GALNTL5: variants seen among roughly 807,000 people sequenced by gnomAD.
The protein encoded by GALNTL5 is inactive polypeptide N-acetylgalactosaminyltransferase-like protein 5.
GALNTL5 carries 44 observed loss-of-function variants against 51.0 expected under a neutral mutation model. That is an observed-to-expected ratio of 0.86 (90% confidence interval 0.68 to 1.11). GALNTL5 has a LOEUF of 1.11. GALNTL5 is among the 50% of genes least tolerant of loss of function. The pLI, the probability that GALNTL5 is intolerant of heterozygous loss-of-function variation, is 0.00. For missense variants in GALNTL5, 528 were observed against 531.8 expected, an observed-to-expected ratio of 0.99 and a Z score of 0.07; for synonymous variants, 192 against 182.8, an observed-to-expected ratio of 1.05 and a Z score of -0.41.
intron 3 of GALNTL5, among the ~76,000 whole-genome samples, chr7:151,981,674 T>C (rs1327636150): frequency 1.1e-5 from 1 of 94,358 alleles, no homozygotes; most frequent in Non-Finnish European, 2.1e-5. Flanking sequence ...CCCCCTCTTC[T>C]TTCTTTCTTT....
chr7:151,997,967 CAAG>C (rs2151954351), intron 5 of GALNTL5, among the ~76,000 whole-genome samples: 1 of 152,118 alleles, frequency 6.6e-6, no homozygotes, highest in Admixed American at 6.5e-5. Context: ...TTTAGGAGGC[CAAG>C]GCAAGAGGAT....
At chr7:151,986,798 G>T (rs1003803806) in intron 4 of GALNTL5, among the ~76,000 whole-genome samples, 1 of 150,096 alleles carries the variant, frequency 6.7e-6, no homozygotes, top group Non-Finnish European at 1.5e-5. Context: ...GGCCATCTCG[G>T]CTCACTGCAA....
intron 4 of GALNTL5, among the ~76,000 whole-genome samples, chr7:151,986,188 G>A (rs143389092): frequency 5.3e-5 from 8 of 152,186 alleles, no homozygotes; most frequent in East Asian, 3.9e-4. Flanking sequence ...TAAGACTCTC[G>A]TGGTTCGATA....
At chr7:151,985,166 C>T (rs2081345054) in intron 4 of GALNTL5, among the ~76,000 whole-genome samples, 1 of 152,164 alleles carries the variant, frequency 6.6e-6, no homozygotes, top group Non-Finnish European at 1.5e-5. Flanking sequence ...CTCTGCAAGG[C>T]CCCACCTGCA....
At chr7:152,012,582 T>C (rs940745555) in intron 7 of GALNTL5, among the ~76,000 whole-genome samples, 1 of 152,198 alleles carries the variant, frequency 6.6e-6, no homozygotes, top group African/African-American at 2.4e-5. Flanking sequence ...GAATATACAT[T>C]GTTCTACCAT....
intron 5 of GALNTL5, among the ~76,000 whole-genome samples, chr7:152,000,874 CTT>C (rs1400979234): frequency 6.7e-6 from 1 of 148,878 alleles, no homozygotes; most frequent in Non-Finnish European, 1.5e-5. Flanking sequence ...TTTTCTCTTT[CTT>C]TGTTTCTTTT....
intron 7 of GALNTL5, among the ~76,000 whole-genome samples, chr7:152,008,724 TTTG>T (rs1192069039): frequency 1.4e-5 from 2 of 138,018 alleles, no homozygotes; most frequent in Non-Finnish European, 3.2e-5. Context: ...GCTTGTTGTT[TTTG>T]TTGTTTGTTT....
At chr7:152,015,139 A>G (rs940039595) in intron 8 of GALNTL5, among the ~76,000 whole-genome samples, 41 of 152,066 alleles carry the variant, frequency 2.7e-4, no homozygotes, top group African/African-American at 9.7e-5. Context: ...TCATCAATCC[A>G]TCCCCAACCC....
intron 8 of GALNTL5, among the ~76,000 whole-genome samples, chr7:152,016,998 A>T (rs1480625317): frequency 1.3e-5 from 2 of 150,690 alleles, no homozygotes; most frequent in African/African-American, 4.9e-5. Context: ...AGATCACACC[A>T]CCGCACTCCA....
At chr7:151,976,337 T>A (rs1372172328) in intron 3 of GALNTL5, among the ~76,000 whole-genome samples, 1 of 152,186 alleles carries the variant, frequency 6.6e-6, no homozygotes, top group Non-Finnish European at 1.5e-5. Context: ...TATTGTTATA[T>A]CTTCTTGATG....
intron 8 of GALNTL5, among the ~76,000 whole-genome samples, chr7:152,016,685 C>T (rs2081818951): frequency 6.6e-6 from 1 of 152,122 alleles, no homozygotes; most frequent in Non-Finnish European, 1.5e-5. Context: ...AAATACTCAT[C>T]AACAGTACAG....
chr7:152,008,303 A>C (rs1247695035), intron 7 of GALNTL5, among the ~76,000 whole-genome samples: 2 of 149,842 alleles, frequency 1.3e-5, no homozygotes, highest in Non-Finnish European at 3.0e-5. Flanking sequence ...GTGGTCTTGA[A>C]CTCCTGAGCT....
chr7:152,002,736 C>G lies in GALNTL5; in HGVS notation c.681C>G (p.Asp227Glu), dbSNP rs200205105. 2.5e-6 allele frequency: 4 copies of G among 1,614,036 alleles called. No individual in the cohort carries two copies. In the African/African-American group the frequency reaches 4.0e-5, roughly 16 times the overall value. The part of the protein sequence containing the change: ...HASGDVLVFL[D>E]SHCEVNRVWL... ...CAGGGGATGTTCTGGTGTTCCTGGA[C>G]AGCCACTGTGAGGTGAACAGAGTAT... The change falls in exon 6 of 9, where the codon GAC becomes GAG. Residue 227 changes from aspartate (D) to glutamate (E), a missense_variant. By Grantham distance (45) the Asp-to-Glu change is conservative (BLOSUM62 2). Transcript: ENST00000392800.
At chr7:152,018,073 T>C (rs1160271059) in intron 8 of GALNTL5, among the ~76,000 whole-genome samples, 1 of 152,234 alleles carries the variant, frequency 6.6e-6, no homozygotes, top group Non-Finnish European at 1.5e-5. Flanking sequence ...CTTGAACTCC[T>C]GACCTCATGA....
chr7:151,982,945 A>T, intron 3 of GALNTL5, 41 bp from the exon 4 acceptor site: 2 of 1,613,642 alleles, frequency 1.2e-6, no homozygotes, highest in Non-Finnish European at 8.5e-7. Flanking sequence ...CATCCAAGGC[A>T]TTTAGATGGA....
At chr7:152,007,091 T>A (rs979482186) in intron 6 of GALNTL5, among the ~76,000 whole-genome samples, 3 of 152,094 alleles carry the variant, frequency 2.0e-5, no homozygotes, top group African/African-American at 7.2e-5. Context: ...ACTACTTAGT[T>A]TGGTATTATT....
chr7:151,979,477 G>T (rs1196167547), intron 3 of GALNTL5, among the ~76,000 whole-genome samples: 1 of 150,312 alleles, frequency 6.7e-6, no homozygotes, highest in African/African-American at 2.5e-5. Context: ...TGGGGGGAGG[G>T]GGGCAGAGTT....
intron 5 of GALNTL5, among the ~76,000 whole-genome samples, chr7:151,987,818 G>C (rs1040538483): frequency 1.3e-5 from 2 of 152,216 alleles, no homozygotes; most frequent in Non-Finnish European, 2.9e-5. Flanking sequence ...TTCAGACAAG[G>C]TGCAGGTCTC....
intron 7 of GALNTL5, among the ~76,000 whole-genome samples, chr7:152,011,526 C>T (rs974507870): frequency 3.9e-5 from 6 of 152,228 alleles, no homozygotes; most frequent in African/African-American, 1.2e-4. Flanking sequence ...CAGGGCCTTG[C>T]CCTGCACTTG....
Sources: gnomAD v4.1 joint callset for allele counts (sites outside exome capture counted in the v4.1 genomes callset) on GRCh38, gnomAD v4.1.1 for gene constraint, MANE v1.5 for transcripts, NCBI Gene and HGNC (gene_info 2026-07-23, HGNC 2026-07-21) for gene names.